The following DLGAP2 variants were observed in gnomAD, a reference collection of about 807,000 sequenced individuals.
DLGAP2 encodes DLG associated protein 2.
Under a neutral mutation model 100.3 loss-of-function variants are expected in DLGAP2, and 26 were observed. The observed-to-expected ratio is 0.26, with a 90% confidence interval of 0.19 to 0.36. The LOEUF is 0.36. Among genes scored for constraint, DLGAP2 ranks in the 10% least tolerant of loss-of-function variants. DLGAP2 has a pLI of 1.00. For synonymous variants in DLGAP2, 886 were observed against 630.1 expected (o/e 1.41, Z -6.08); for missense variants, 1,858 against 1,453.2 (o/e 1.28, Z -4.53).
At chr8:1,019,413 G>C (rs933767340) in intron 2 of DLGAP2, 1 of 152,002 alleles carries the variant, frequency 6.6e-6, no homozygotes, top group Non-Finnish European at 1.5e-5. Flanking sequence ...TTTTCACCGA[G>C]AATCGCACAT....
At chr8:1,147,196 C>T (rs975139881) in intron 2 of DLGAP2, among the ~76,000 whole-genome samples, 1 of 152,134 alleles carries the variant, frequency 6.6e-6, no homozygotes, top group Non-Finnish European at 1.5e-5. Flanking sequence ...ATTTGTGCAT[C>T]TTCCTTAGAT....
intron 1 of DLGAP2, chr8:738,137 T>G: frequency 6.1e-6 from 1 of 164,912 alleles, no homozygotes; most frequent in Non-Finnish European, 1.3e-5. Flanking sequence ...TTCTCCGCTC[T>G]GCCTGCCCGG....
chr8:1,315,031 C>T lies in DLGAP2; in HGVS notation c.106+56148C>T, dbSNP rs144413032. The stretch of plus-strand genomic sequence containing the variant: ...GTTATTAATAGGACTTCCAGAACAC[C>T]GCTCCGTGGCGGTGGTTTTCTAAGT... On this transcript the variant is annotated intron_variant, in intron 3 of 14. Transcript: ENST00000637795. 6.0e-3 allele frequency among the ~76,000 whole-genome samples: 914 copies of T among 152,316 alleles called. 7 individuals carry two copies. The highest frequency in any genetic ancestry group is 0.029 in the South Asian group (139 of 4,822).
chr8:809,481 T>A (rs989853466), intron 1 of DLGAP2, among the ~76,000 whole-genome samples: 1 of 151,936 alleles, frequency 6.6e-6, no homozygotes, highest in African/African-American at 2.4e-5. Flanking sequence ...TGTGGCTAAT[T>A]TCATGCAGCC....
chr8:1,098,811 C>T lies in DLGAP2; in HGVS notation c.74-160040C>T, dbSNP rs1204677254. On this transcript the variant is annotated intron_variant, in intron 2 of 14. Transcript: ENST00000637795. ...GGCCGCCCACGGACGCCGCCACCCA[C>T]TCCAGGCTCCCGGCCGCGCACGGAC... Among the ~76,000 whole-genome samples, 10 of 134,802 alleles carry T rather than the reference C, an allele frequency of 7.4e-5. No homozygotes were observed. The East Asian group carries it at 2.1e-3, about 28-fold the overall frequency. 88.4% of individuals were successfully genotyped at this position (134,802 alleles called of 152,430 possible). A position where few individuals can be genotyped will look rare whatever the true frequency, so the allele number is the denominator to read the frequency against.
intron 5 of DLGAP2, among the ~76,000 whole-genome samples, chr8:1,552,909 A>C (rs955178259): frequency 2.0e-5 from 3 of 152,150 alleles, no homozygotes; most frequent in Admixed American, 1.3e-4. Context: ...TCTTTCACAA[A>C]GCTCTTGTTT....
intron 3 of DLGAP2, among the ~76,000 whole-genome samples, chr8:1,361,642 C>G (rs1413741678): frequency 6.6e-6 from 1 of 152,192 alleles, no homozygotes; most frequent in Non-Finnish European, 1.5e-5. Flanking sequence ...CATGGGAGCC[C>G]CCCTGGGTCT....
chr8:960,709 C>T lies in DLGAP2; in HGVS notation c.73+52743C>T, dbSNP rs182403524. On this transcript the variant is annotated intron_variant, in intron 2 of 14. Transcript: ENST00000637795. Reference sequence around the variant, plus strand: ...GACATACATTTAATTTACAGATGCTCCTCGACTTATGATGGAGTTATAGCC... The same window carrying T: ...GACATACATTTAATTTACAGATGCTTCTCGACTTATGATGGAGTTATAGCC... Among the ~76,000 whole-genome samples, 194 of 152,282 alleles carry T rather than the reference C, an allele frequency of 1.3e-3. 2 individuals carry two copies. Among genetic ancestry groups the T allele is most frequent in the Non-Finnish European group, 2.5e-4 (17 of 68,018 alleles).
intron 1 of DLGAP2, among the ~76,000 whole-genome samples, chr8:891,082 TG>T (rs1173043441): frequency 5.3e-5 from 8 of 151,428 alleles, no homozygotes; most frequent in African/African-American, 1.5e-4. Context: ...CCCCCTCCCT[TG>T]GGGGGTGCTT....
chr8:1,085,194 A>G (rs1301556474), intron 2 of DLGAP2, among the ~76,000 whole-genome samples: 1 of 152,102 alleles, frequency 6.6e-6, no homozygotes, highest in Non-Finnish European at 1.5e-5. Flanking sequence ...TACCTTGCCC[A>G]TTTCTTAATT....
At chr8:1,230,095 T>G (rs1412785896) in intron 2 of DLGAP2, among the ~76,000 whole-genome samples, 1 of 151,978 alleles carries the variant, frequency 6.6e-6, no homozygotes, top group Non-Finnish European at 1.5e-5. Context: ...GATGATATGA[T>G]TCTATACCTG....
intron 2 of DLGAP2, among the ~76,000 whole-genome samples, chr8:1,048,085 G>T (rs1381453074): frequency 6.6e-6 from 1 of 152,110 alleles, no homozygotes; most frequent in Non-Finnish European, 1.5e-5. Context: ...CCGAATTTCC[G>T]CTGGAAAGTA....
intron 3 of DLGAP2, among the ~76,000 whole-genome samples, chr8:1,380,009 T>C (rs1433678801): frequency 1.3e-5 from 2 of 151,996 alleles, no homozygotes; most frequent in Admixed American, 1.3e-4. Context: ...TGAGCCCGGC[T>C]CCATCCCAGC....
At chr8:1,279,995 C>T (rs1799783696) in intron 3 of DLGAP2, among the ~76,000 whole-genome samples, 1 of 152,178 alleles carries the variant, frequency 6.6e-6, no homozygotes, top group Non-Finnish European at 1.5e-5. Context: ...GAAGAAGTAA[C>T]ATGAACAAAA....
chr8:1,641,874 G>A (rs111351728), intron 8 of DLGAP2, among the ~76,000 whole-genome samples: 3 of 144,786 alleles, frequency 2.1e-5, no homozygotes, highest in Admixed American at 1.4e-4. Flanking sequence ...CATACCCCTC[G>A]AACCCGCCGG....
At chr8:1,224,814 C>T (rs1257349960) in intron 2 of DLGAP2, among the ~76,000 whole-genome samples, 1 of 152,158 alleles carries the variant, frequency 6.6e-6, no homozygotes, top group Non-Finnish European at 1.5e-5. Flanking sequence ...TACAAATGGT[C>T]AACAAGCACG....
Position 1,274,275 on chromosome 8 carries a change from T to C in DLGAP2, c.106+15392T>C, listed in dbSNP as rs1035642045. Among the ~76,000 whole-genome samples the C allele has an allele frequency of 2.0e-5, 3 of 152,138 alleles. No homozygotes were observed. In the East Asian group the frequency reaches 5.8e-4, roughly 29 times the overall value. ...TCTTCCCCACCCACCATAAGTGTAC[T>C]GGAATGACGCACGCATGACACAACC... On this transcript the variant is annotated intron_variant, in intron 3 of 14. Coordinates refer to ENST00000637795, the MANE Select transcript of DLGAP2 (RefSeq NM_001346810.2).
Position 846,605 on chromosome 8 carries a change from C to T in DLGAP2, c.19-61307C>T, listed in dbSNP as rs138564201. 2.9e-3 allele frequency among the ~76,000 whole-genome samples: 439 copies of T among 152,350 alleles called. 1 individual carries two copies. Among genetic ancestry groups the T allele is most frequent in the African/African-American group, 0.01 (424 of 41,586 alleles). ...TAGTGCTGCAGTGAACATGATAGTG[C>T]AGAGATCTCTTTGACACTAACTTTA... On this transcript the variant is annotated intron_variant, in intron 1 of 14. Coordinates refer to ENST00000637795, the MANE Select transcript of DLGAP2 (RefSeq NM_001346810.2).
At position 1,627,585 on chromosome 8, in the gene DLGAP2, G is replaced by A. The variant is rs151276905; in HGVS notation, c.1590+698G>A. On this transcript the variant is annotated intron_variant, in intron 7 of 14. Transcript: ENST00000637795. Reference sequence around the variant, plus strand: ...AAAGTTTATCATTTTAATTAAGCACGTTGCTTACTCACTTAAATGCCTTTG... The same window carrying A: ...AAAGTTTATCATTTTAATTAAGCACATTGCTTACTCACTTAAATGCCTTTG... Among the ~76,000 whole-genome samples the A allele has an allele frequency of 6.0e-4, 92 of 152,348 alleles. 1 individual carries two copies. The highest frequency in any genetic ancestry group is 2.0e-3 in the African/African-American group (83 of 41,572).
Sources: allele counts gnomAD v4.1 joint callset (sites outside exome capture counted in the v4.1 genomes callset), GRCh38; gene constraint gnomAD v4.1.1; transcripts MANE v1.5; gene names NCBI Gene and HGNC (gene_info 2026-07-23, HGNC 2026-07-21).